RAB11FIP3: variants seen among roughly 807,000 people sequenced by gnomAD.
RAB11FIP3 encodes the protein RAB11 family interacting protein 3, also known as rab11 family-interacting protein 3.
In RAB11FIP3, 17 loss-of-function variants were observed where a neutral mutation model predicts 77.8. That is an observed-to-expected ratio of 0.22 (90% confidence interval 0.15 to 0.33). The LOEUF is 0.33. Ranked by LOEUF, RAB11FIP3 falls within the 10% of genes least tolerant of loss-of-function variation. The probability of loss-of-function intolerance (pLI) is 1.00; values close to 1 mark genes in which losing one functional copy is unlikely to be tolerated. For synonymous variants in RAB11FIP3, 437 were observed against 448.2 expected (o/e 0.98, Z 0.31); for missense variants, 1,005 against 1,011.2 (o/e 0.99, Z 0.08).
chr16:432,783 T>G (rs1282178133), intron 1 of RAB11FIP3, among the ~76,000 whole-genome samples: 1 of 151,448 alleles, frequency 6.6e-6, no homozygotes, highest in Admixed American at 6.6e-5. Flanking sequence ...TTTTTGTATT[T>G]TTAATAGAGA....
chr16:449,992 A>G (rs1375657080), intron 1 of RAB11FIP3, among the ~76,000 whole-genome samples: 1 of 152,112 alleles, frequency 6.6e-6, no homozygotes, highest in African/African-American at 2.4e-5. Flanking sequence ...ACCTCGTCAC[A>G]GTGACTGTGC....
intron 4 of RAB11FIP3, among the ~76,000 whole-genome samples, chr16:483,404 T>G (rs1039084295): frequency 2.2e-4 from 34 of 152,308 alleles, no homozygotes; most frequent in African/African-American, 7.7e-4. Flanking sequence ...CAGGCCTCAT[T>G]GGGCCCCTCC....
At chr16:490,076 C>T (rs1419492646) in intron 5 of RAB11FIP3, among the ~76,000 whole-genome samples, 1 of 152,218 alleles carries the variant, frequency 6.6e-6, no homozygotes, top group Non-Finnish European at 1.5e-5. Flanking sequence ...CCTCTTCCTA[C>T]GTGTTTAGTT....
chr16:515,600 C>A (rs2032371253), intron 9 of RAB11FIP3, among the ~76,000 whole-genome samples: 1 of 151,430 alleles, frequency 6.6e-6, no homozygotes, highest in Admixed American at 6.6e-5. Flanking sequence ...GGAGCAGCCA[C>A]ACGGCTGACA....
chr16:441,962 C>T (rs986567326), intron 1 of RAB11FIP3, among the ~76,000 whole-genome samples: 6 of 152,212 alleles, frequency 3.9e-5, no homozygotes, highest in African/African-American at 7.2e-5. Flanking sequence ...CCTCAGCCTC[C>T]CGAGTAGCTG....
rs376676758 is a variant in RAB11FIP3, at chr16:510,832, G to A, written c.1640+32G>A. The stretch of plus-strand genomic sequence containing the variant: ...GGTTCCCAACAGCCCATCCACCCCA[G>A]AACCTGCAGGCCAGGTAGGAGACGG... On this transcript the variant is annotated intron_variant, in intron 9 of 13. Coordinates refer to ENST00000262305, the MANE Select transcript of RAB11FIP3 (RefSeq NM_014700.4). The A allele has an allele frequency of 6.2e-6, 10 of 1,607,916 alleles. No homozygotes were observed. In the African/African-American group the frequency reaches 1.3e-4, roughly 22 times the overall value.
At chr16:498,702 A>G (rs2031314187) in intron 6 of RAB11FIP3, among the ~76,000 whole-genome samples, 1 of 151,910 alleles carries the variant, frequency 6.6e-6, no homozygotes, top group African/African-American at 2.4e-5. Context: ...AATTTTTTGT[A>G]GAGACAGGCC....
intron 3 of RAB11FIP3, among the ~76,000 whole-genome samples, chr16:478,169 C>T (rs890491528): frequency 3.3e-5 from 5 of 151,426 alleles, no homozygotes; most frequent in Admixed American, 1.3e-4. Context: ...TGGTAGCCCT[C>T]GCAGGTCTTA....
rs9935720 is a variant in RAB11FIP3, at chr16:514,962, G to A, written c.1641-3981G>A. 7.9e-5 allele frequency among the ~76,000 whole-genome samples: 12 copies of A among 152,196 alleles called. No individual in the cohort carries two copies. The highest frequency in any genetic ancestry group is 1.6e-4 in the Non-Finnish European group (11 of 68,042). ...GCCAAGGAAGCCCAGGGAAGCCTTC[G>A]CTTGTGCCACGTAGCATAGCTCGTC... is the stretch of plus-strand genomic sequence containing the variant. On this transcript the variant is annotated intron_variant, in intron 9 of 13. Coordinates refer to ENST00000262305, the MANE Select transcript of RAB11FIP3 (RefSeq NM_014700.4). The surrounding 1 kb of genome is among the most constrained non-coding windows in gnomAD (Gnocchi z 4.6).
intron 1 of RAB11FIP3, among the ~76,000 whole-genome samples, chr16:459,527 C>CCCGGGTTCAAGCGATTCT (rs1471565633): frequency 6.6e-6 from 1 of 151,806 alleles, no homozygotes; most frequent in East Asian, 1.9e-4. Context: ...ACCTCCGCCT[C>CCCGGGTTCAAGCGATTCT]CCGGGTTCAA....
intron 4 of RAB11FIP3, among the ~76,000 whole-genome samples, chr16:483,156 T>C (rs1477739240): frequency 6.6e-6 from 1 of 151,902 alleles, no homozygotes; most frequent in Admixed American, 6.6e-5. Flanking sequence ...GGGGCCGGAG[T>C]AGAGGGACGG....
intron 3 of RAB11FIP3, chr16:477,517 A>C: frequency 1.9e-6 from 1 of 523,694 alleles, no homozygotes; most frequent in Non-Finnish European, 2.4e-6. Context: ...AGCCTCTGAC[A>C]GACATCCTGG....
intron 8 of RAB11FIP3, 46 bp from the exon 9 acceptor site, chr16:510,614 C>T (rs2141881894): frequency 6.5e-7 from 1 of 1,544,232 alleles, no homozygotes; most frequent in East Asian, 2.4e-5. Flanking sequence ...GGAGCCACTG[C>T]ACACCCTGCC....
chr16:518,269 G>A (rs575717279), intron 9 of RAB11FIP3, among the ~76,000 whole-genome samples: 25 of 152,280 alleles, frequency 1.6e-4, no homozygotes, highest in Non-Finnish European at 3.4e-4. Context: ...TTATAGAGAT[G>A]GGGGTCTCAC....
At chr16:464,692 G>A (rs547469367) in intron 2 of RAB11FIP3, among the ~76,000 whole-genome samples, 1 of 152,118 alleles carries the variant, frequency 6.6e-6, no homozygotes, top group Non-Finnish European at 1.5e-5. Context: ...TCCCAGGAGG[G>A]TGAGACCAGC....
intron 5 of RAB11FIP3, among the ~76,000 whole-genome samples, chr16:493,275 T>G (rs1168020424): frequency 6.9e-6 from 1 of 144,740 alleles, no homozygotes; most frequent in Non-Finnish European, 1.5e-5. Context: ...AAAAAAAGAC[T>G]CTACCAAGTG....
At position 474,885 on chromosome 16, in the gene RAB11FIP3, C is replaced by T. The variant is rs1225585837; in HGVS notation, c.903+3496C>T. On this transcript the variant is annotated intron_variant, in intron 3 of 13. Coordinates refer to ENST00000262305, the MANE Select transcript of RAB11FIP3 (RefSeq NM_014700.4). ...GTCTGGGAGCAGGTTAAACTTTCTCCTAGGTGGTGATGTGCCTCCAGGTGA... is the reference window on the plus strand; with the variant it reads ...GTCTGGGAGCAGGTTAAACTTTCTCTTAGGTGGTGATGTGCCTCCAGGTGA... 8 of 1,483,178 alleles carry T rather than the reference C, an allele frequency of 5.4e-6. No homozygotes were observed. In the Admixed American group the frequency reaches 1.7e-4, roughly 32 times the overall value. 91.9% of individuals were successfully genotyped at this position (1,483,178 alleles called of 1,614,324 possible). A position where few individuals can be genotyped will look rare whatever the true frequency, so the allele number is the denominator to read the frequency against.
In RAB11FIP3 at chr16:440,684, T is replaced by C. The variant is rs575793660; in HGVS notation, c.714+13964T>C. On this transcript the variant is annotated intron_variant, in intron 1 of 13. Transcript: ENST00000262305. Reference sequence around the variant, plus strand: ...GATGTTCAAAATACACAGATGCTTTTATCCCTTATGGGAAGGAAGACTTCT... The same window carrying C: ...GATGTTCAAAATACACAGATGCTTTCATCCCTTATGGGAAGGAAGACTTCT... Among the ~76,000 whole-genome samples, 15 of 152,386 alleles carry C rather than the reference T, an allele frequency of 9.8e-5. No homozygotes were observed. In the South Asian group the frequency reaches 1.7e-3, roughly 17 times the overall value.
At chr16:444,176 T>A (rs2055273963) in intron 1 of RAB11FIP3, among the ~76,000 whole-genome samples, 1 of 152,138 alleles carries the variant, frequency 6.6e-6, no homozygotes, top group South Asian at 2.1e-4. Context: ...TTCTGTAGGG[T>A]TTCTTTCTTT....
Sources: gnomAD v4.1 joint callset for allele counts (sites outside exome capture counted in the v4.1 genomes callset) on GRCh38, gnomAD v4.1.1 for gene constraint, Gnocchi (gnomAD v3.1) non-coding constraint, MANE v1.5 for transcripts, NCBI Gene and HGNC (gene_info 2026-07-23, HGNC 2026-07-21) for gene names.